FAM117B: variants seen among roughly 807,000 people sequenced by gnomAD.
The protein encoded by FAM117B is family with sequence similarity 117 member B.
Under a neutral mutation model 52.8 loss-of-function variants are expected in FAM117B, and 22 were observed. The observed-to-expected ratio is 0.42, with a 90% CI of 0.30 to 0.59. The LOEUF (loss-of-function observed/expected upper bound fraction) is 0.59, where lower values mean the gene tolerates loss of function less well. FAM117B is among the 20% of genes least tolerant of loss of function. The pLI is 0.22. For synonymous variants in FAM117B, 309 were observed against 324.1 expected, an observed-to-expected ratio of 0.95 and a Z score of 0.50; for missense variants, 678 against 802.6, an observed-to-expected ratio of 0.84 and a Z score of 1.88.
chr2:202,694,873 C>T (rs1159623078), intron 1 of FAM117B, among the ~76,000 whole-genome samples: 1 of 152,150 alleles, frequency 6.6e-6, no homozygotes, highest in Non-Finnish European at 1.5e-5. Context: ...GCCAGTATTA[C>T]TTTTAGATGT....
intron 2 of FAM117B, among the ~76,000 whole-genome samples, chr2:202,702,355 C>T (rs1383622527): frequency 6.6e-6 from 1 of 151,920 alleles, no homozygotes; most frequent in African/African-American, 2.4e-5. Context: ...CACACCATTG[C>T]ACTCCCGCCT....
chr2:202,756,651 G>A (rs925131939), intron 5 of FAM117B, among the ~76,000 whole-genome samples: 1 of 152,016 alleles, frequency 6.6e-6, no homozygotes, highest in African/African-American at 2.4e-5. Flanking sequence ...ATTCCCTGAT[G>A]TAATAAAGGT....
At chr2:202,665,887 C>A (rs934590853) in intron 1 of FAM117B, among the ~76,000 whole-genome samples, 1 of 152,196 alleles carries the variant, frequency 6.6e-6, no homozygotes, top group Admixed American at 6.5e-5. Flanking sequence ...AGGCGTGAGC[C>A]ATGGAAACTG....
chr2:202,667,953 T>C (rs987818239), intron 1 of FAM117B, among the ~76,000 whole-genome samples: 2 of 151,622 alleles, frequency 1.3e-5, no homozygotes, highest in African/African-American at 4.8e-5. Flanking sequence ...CCAGGCATGG[T>C]GGCTCATGCC....
At chr2:202,662,342 A>G (rs1360301311) in intron 1 of FAM117B, among the ~76,000 whole-genome samples, 1 of 152,162 alleles carries the variant, frequency 6.6e-6, no homozygotes, top group Non-Finnish European at 1.5e-5. Flanking sequence ...AATTCGTTTC[A>G]TAGGAGTAGA....
intron 2 of FAM117B, among the ~76,000 whole-genome samples, chr2:202,710,918 A>C (rs998276340): frequency 1.3e-5 from 2 of 152,086 alleles, no homozygotes; most frequent in Non-Finnish European, 2.9e-5. Context: ...ATAGTACTCC[A>C]TTGTGTGTAT....
At chr2:202,649,763 G>A (rs1353639720) in intron 1 of FAM117B, among the ~76,000 whole-genome samples, 2 of 152,126 alleles carry the variant, frequency 1.3e-5, no homozygotes, top group Non-Finnish European at 2.9e-5. Flanking sequence ...TGTTGGCCAG[G>A]CTGGTCTCGA....
At chr2:202,730,447 G>A (rs1016685678) in intron 4 of FAM117B, among the ~76,000 whole-genome samples, 4 of 152,072 alleles carry the variant, frequency 2.6e-5, no homozygotes, top group African/African-American at 9.7e-5. Context: ...AGGCGGGTGG[G>A]TTGCTTTAGC....
chr2:202,692,957 A>G (rs1690657308), intron 1 of FAM117B, among the ~76,000 whole-genome samples: 1 of 152,206 alleles, frequency 6.6e-6, no homozygotes, highest in Non-Finnish European at 1.5e-5. Context: ...ATTACAAAAT[A>G]TTTTAATTTG....
At chr2:202,694,170 T>TTATTGCA (rs1271520096) in intron 1 of FAM117B, among the ~76,000 whole-genome samples, 1 of 150,624 alleles carries the variant, frequency 6.6e-6, no homozygotes, top group Non-Finnish European at 1.5e-5. Flanking sequence ...ATTGAAGATG[T>TTATTGCA]TATTGCAAAA....
chr2:202,730,054 A>C (rs1461654410), intron 4 of FAM117B, among the ~76,000 whole-genome samples: 1 of 152,196 alleles, frequency 6.6e-6, no homozygotes, highest in Admixed American at 6.5e-5. Flanking sequence ...CTGAGGATGA[A>C]CTTGAGTGAT....
intron 1 of FAM117B, among the ~76,000 whole-genome samples, chr2:202,668,590 AG>A (rs1690246445): frequency 6.7e-6 from 1 of 148,668 alleles, no homozygotes; most frequent in African/African-American, 2.4e-5. Context: ...ACTGTACTCT[AG>A]CCTGGGCTAC....
intron 2 of FAM117B, among the ~76,000 whole-genome samples, chr2:202,704,219 A>T (rs945507645): frequency 1.3e-5 from 2 of 152,240 alleles, no homozygotes; most frequent in African/African-American, 4.8e-5. Context: ...GAAAACATAT[A>T]AAACTCTCGG....
intron 4 of FAM117B, among the ~76,000 whole-genome samples, chr2:202,742,101 A>G (rs569881235): frequency 6.6e-6 from 1 of 152,208 alleles, no homozygotes; most frequent in Non-Finnish European, 1.5e-5. Context: ...TTAATATAAT[A>G]CTTTCTAATT....
At chr2:202,746,627 C>T (rs1316051099) in intron 4 of FAM117B, among the ~76,000 whole-genome samples, 1 of 151,904 alleles carries the variant, frequency 6.6e-6, no homozygotes, top group Admixed American at 6.6e-5. Flanking sequence ...TATACACTAA[C>T]AAATTGGAAA....
chr2:202,709,770 A>G (rs1199256703), intron 2 of FAM117B, among the ~76,000 whole-genome samples: 2 of 152,016 alleles, frequency 1.3e-5, no homozygotes, highest in Non-Finnish European at 2.9e-5. Context: ...TAGGAGTTTT[A>G]TAGTTTGTGT....
chr2:202,747,122 A>G (rs1691646851), intron 4 of FAM117B, among the ~76,000 whole-genome samples: 1 of 152,214 alleles, frequency 6.6e-6, no homozygotes, highest in Admixed American at 6.5e-5. Context: ...AGATGGTTCA[A>G]CATAGACAAA....
chr2:202,658,879 A>G (rs890671267), intron 1 of FAM117B, among the ~76,000 whole-genome samples: 1 of 151,890 alleles, frequency 6.6e-6, no homozygotes, highest in African/African-American at 2.4e-5. Context: ...TATGTTTCTC[A>G]TGAAATTTGG....
At chr2:202,658,369 T>A (rs752654898) in intron 1 of FAM117B, among the ~76,000 whole-genome samples, 7 of 152,170 alleles carry the variant, frequency 4.6e-5, no homozygotes, top group Non-Finnish European at 8.8e-5. Context: ...AGGGGCGTGA[T>A]CTTGGCTCAC....
Sources: gnomAD v4.1 joint callset for allele counts (sites outside exome capture counted in the v4.1 genomes callset) on GRCh38, gnomAD v4.1.1 for gene constraint, MANE v1.5 for transcripts, NCBI Gene and HGNC (gene_info 2026-07-23, HGNC 2026-07-21) for gene names.